The following PHF21A variants were observed in gnomAD, a reference collection of about 807,000 sequenced individuals.
PHF21A encodes the protein PHD finger protein 21A, also known as BHC80a.
A neutral mutation model predicts 82.5 loss-of-function variants in PHF21A; 11 were observed. The ratio of observed to expected loss-of-function variants is 0.13; its 90% CI spans 0.08 to 0.22. The LOEUF (loss-of-function observed/expected upper bound fraction) is 0.22. PHF21A is among the 10% of genes least tolerant of loss of function. PHF21A has a pLI of 1.00. For missense variants in PHF21A, 579 were observed against 837.8 expected, an observed-to-expected ratio of 0.69 and a Z score of 3.81; for synonymous variants, 297 against 302.8, an observed-to-expected ratio of 0.98 and a Z score of 0.20.
At chr11:46,008,964 C>T (rs2095356418) in intron 6 of PHF21A, among the ~76,000 whole-genome samples, 1 of 143,904 alleles carries the variant, frequency 6.9e-6, no homozygotes, top group African/African-American at 2.6e-5. Context: ...AATTGGTTCA[C>T]ATTTCACTTT....
At chr11:45,951,172 T>C (rs1222332279) in intron 11 of PHF21A, among the ~76,000 whole-genome samples, 1 of 152,262 alleles carries the variant, frequency 6.6e-6, no homozygotes, top group Non-Finnish European at 1.5e-5. Context: ...CTGCATGCAG[T>C]TTCTAAATAT....
rs550033487 is a variant in PHF21A, at chr11:45,968,848, T to C, written c.702+967A>G. On this transcript the variant is annotated intron_variant, in intron 9 of 18. Coordinates refer to ENST00000676320, the MANE Select transcript of PHF21A (RefSeq NM_001352027.3). ...TGGAAGGCTGAGGAAGGAGAATCGC[T>C]TGAACCTGGTGGGTGGAGATTGCAG... is the stretch of plus-strand genomic sequence containing the variant. 2.2e-4 allele frequency among the ~76,000 whole-genome samples: 33 copies of C among 150,702 alleles called. 1 individual carries two copies. In the East Asian group the frequency reaches 4.7e-3, roughly 22 times the overall value.
intron 6 of PHF21A, among the ~76,000 whole-genome samples, chr11:46,039,186 T>G (rs1187032145): frequency 6.6e-6 from 1 of 152,212 alleles, no homozygotes; most frequent in Non-Finnish European, 1.5e-5. Flanking sequence ...TGCTCTCAAA[T>G]CTTACTGAGA....
At chr11:46,095,307 A>C (rs1042840036) in intron 1 of PHF21A, among the ~76,000 whole-genome samples, 2 of 152,314 alleles carry the variant, frequency 1.3e-5, no homozygotes, top group South Asian at 2.1e-4. Flanking sequence ...TTAAGTCTGA[A>C]ATGCAAGTTT....
intron 1 of PHF21A, among the ~76,000 whole-genome samples, chr11:46,113,256 T>C (rs10838566): frequency 0.12 from 18,493 of 152,168 alleles, 2,486 homozygotes; most frequent in East Asian, 0.58. Context: ...CTGAACTATC[T>C]AGCACAATTT....
At chr11:46,000,193 C>T (rs964787542) in intron 6 of PHF21A, among the ~76,000 whole-genome samples, 3 of 152,166 alleles carry the variant, frequency 2.0e-5, no homozygotes, top group Non-Finnish European at 4.4e-5. Context: ...ATATTTAGCA[C>T]GAAGAAACTG....
chr11:45,966,409 T>C (rs1245171455), intron 9 of PHF21A, among the ~76,000 whole-genome samples: 1 of 152,114 alleles, frequency 6.6e-6, no homozygotes, highest in African/African-American at 2.4e-5. Context: ...ACTCTCTAAA[T>C]ACTTCTAATA....
intron 6 of PHF21A, among the ~76,000 whole-genome samples, chr11:46,063,012 A>G (rs1267768156): frequency 6.6e-6 from 1 of 152,240 alleles, no homozygotes; most frequent in Non-Finnish European, 1.5e-5. Context: ...CTTGATCGTG[A>G]TGACGGTTTC....
intron 11 of PHF21A, among the ~76,000 whole-genome samples, chr11:45,951,269 A>G (rs1446701002): frequency 1.3e-5 from 2 of 152,218 alleles, no homozygotes; most frequent in Non-Finnish European, 2.9e-5. Context: ...AGTTATTTAT[A>G]CCACAATTTG....
intron 6 of PHF21A, among the ~76,000 whole-genome samples, chr11:46,022,745 C>T (rs1366980049): frequency 6.6e-6 from 1 of 152,136 alleles, no homozygotes; most frequent in African/African-American, 2.4e-5. Flanking sequence ...GTAGGGATTA[C>T]AGGCATGATC....
chr11:46,089,790 CTATT>C (rs536151071), intron 3 of PHF21A, among the ~76,000 whole-genome samples: 67 of 125,716 alleles, frequency 5.3e-4, no homozygotes, highest in African/African-American at 2.0e-3. Flanking sequence ...TTTCTAATCT[CTATT>C]TGTTTTGGAG....
intron 6 of PHF21A, among the ~76,000 whole-genome samples, chr11:46,024,426 T>TTTTAATTACATAAAA (rs1325425950): frequency 2.7e-4 from 41 of 152,208 alleles, no homozygotes; most frequent in African/African-American, 8.9e-4. Flanking sequence ...TTGCTTTTTA[T>TTTTAATTACATAAAA]GTAATATTAA....
chr11:45,946,294 G>A (rs1408234765), intron 14 of PHF21A, among the ~76,000 whole-genome samples: 1 of 152,204 alleles, frequency 6.6e-6, no homozygotes, highest in Admixed American at 6.5e-5. Context: ...AGATTGTGGT[G>A]AAGTTCCTGG....
chr11:46,048,086 G>A (rs1431205157), intron 6 of PHF21A, among the ~76,000 whole-genome samples: 1 of 152,096 alleles, frequency 6.6e-6, no homozygotes, highest in Non-Finnish European at 1.5e-5. Flanking sequence ...ATTAATTCCA[G>A]AACATTGCCA....
rs77858224 is a variant in PHF21A at position 46,061,882 on chromosome 11, A to G, written c.153+14872T>C. On this transcript the variant is annotated intron_variant, in intron 6 of 18. Transcript: ENST00000676320. ...TCCTCAAAAAAGATGTATGGGAGGT[A>G]AGTTTTGTGACCTTGCATGTCTTAA... Among the ~76,000 whole-genome samples the G allele has an allele frequency of 1.2e-3, 178 of 152,302 alleles. 1 individual carries two copies. The highest frequency in any genetic ancestry group is 3.8e-3 in the African/African-American group (158 of 41,570).
At chr11:45,999,356 A>C (rs995153597) in intron 6 of PHF21A, among the ~76,000 whole-genome samples, 4 of 152,210 alleles carry the variant, frequency 2.6e-5, no homozygotes, top group African/African-American at 9.6e-5. Context: ...TACTTTGCAG[A>C]AATGGAGTAA....
At chr11:46,107,740 A>T (rs1347782790) in intron 1 of PHF21A, among the ~76,000 whole-genome samples, 1 of 152,344 alleles carries the variant, frequency 6.6e-6, no homozygotes, top group East Asian at 1.9e-4. Context: ...CAACAAGTTA[A>T]AACTCTCAAA....
intron 3 of PHF21A, among the ~76,000 whole-genome samples, chr11:46,085,880 ATC>A (rs1247247650): frequency 6.6e-6 from 1 of 152,052 alleles, no homozygotes; most frequent in Non-Finnish European, 1.5e-5. Flanking sequence ...ATCAGCAGAA[ATC>A]TCTCTCTCAG....
intron 14 of PHF21A, among the ~76,000 whole-genome samples, chr11:45,948,009 T>G (rs1272753943): frequency 6.6e-6 from 1 of 152,250 alleles, no homozygotes; most frequent in Non-Finnish European, 1.5e-5. Flanking sequence ...GATGACCTCC[T>G]GAGCTTCCAG....
Sources: allele counts gnomAD v4.1 joint callset (sites outside exome capture counted in the v4.1 genomes callset), GRCh38; gene constraint gnomAD v4.1.1; transcripts MANE v1.5; gene names NCBI Gene and HGNC (gene_info 2026-07-23, HGNC 2026-07-21).